The following TENM3 variants were observed in gnomAD, a reference collection of about 807,000 sequenced individuals.
TENM3 encodes teneurin-3.
In TENM3, 63 loss-of-function variants were observed where a neutral mutation model predicts 255.1. That is an observed-to-expected ratio of 0.25 (90% CI 0.20 to 0.30). The LOEUF is 0.30. Ranked by LOEUF, TENM3 falls within the 10% of genes least tolerant of loss-of-function variation. The probability of loss-of-function intolerance (pLI) is 1.00; values close to 1 mark genes in which losing one functional copy is unlikely to be tolerated. For missense variants in TENM3, 2,929 were observed against 3,461.1 expected (o/e 0.85, Z 3.86); for synonymous variants, 1,306 against 1,322.3 (o/e 0.99, Z 0.27).
intron 1 of TENM3, among the ~76,000 whole-genome samples, chr4:182,179,744 A>G (rs1752729031): frequency 6.6e-6 from 1 of 152,226 alleles, no homozygotes; most frequent in Non-Finnish European, 1.5e-5. Context: ...TATTTGTGAA[A>G]CAGGAAGTTT....
chr4:182,266,253 C>T (rs1759236925), intron 1 of TENM3, among the ~76,000 whole-genome samples: 1 of 152,180 alleles, frequency 6.6e-6, no homozygotes, highest in Non-Finnish European at 1.5e-5. Flanking sequence ...ATTTTACCTG[C>T]AAGGTATGTA....
chr4:182,591,638 T>A (rs916913687), intron 3 of TENM3, among the ~76,000 whole-genome samples: 6 of 152,202 alleles, frequency 3.9e-5, no homozygotes, highest in Middle Eastern at 3.2e-3. Flanking sequence ...GTACTGTATT[T>A]TAACCAAGGG....
chr4:181,671,715 C>G, the TENM3 span, among the ~76,000 whole-genome samples: 1 of 152,074 alleles, frequency 6.6e-6, no homozygotes. Context: ...TTTTCCCATC[C>G]AGCTGGTTAT....
chr4:182,751,119 C>A (rs1055202825), intron 19 of TENM3, among the ~76,000 whole-genome samples: 1 of 152,166 alleles, frequency 6.6e-6, no homozygotes, highest in Non-Finnish European at 1.5e-5. Context: ...GGTTTCAGAG[C>A]AGCTCAGTAT....
intron 6 of TENM3, among the ~76,000 whole-genome samples, chr4:182,669,791 TGGA>T (rs1755051623): frequency 6.6e-6 from 1 of 152,206 alleles, no homozygotes; most frequent in Non-Finnish European, 1.5e-5. Flanking sequence ...CAGATGGTTT[TGGA>T]ATTCTGCAGA....
At chr4:181,817,160 T>C in the TENM3 span, among the ~76,000 whole-genome samples, 1 of 152,188 alleles carries the variant, frequency 6.6e-6, no homozygotes, top group African/African-American at 2.4e-5. Flanking sequence ...TCAGTAGTTA[T>C]ATAAAAGTTT....
At chr4:181,569,282 G>A in the TENM3 span, among the ~76,000 whole-genome samples, 1 of 152,200 alleles carries the variant, frequency 6.6e-6, no homozygotes, top group African/African-American at 2.4e-5. Flanking sequence ...CCACGTCCTT[G>A]TTTAAGCTTC....
chr4:182,797,211 G>A lies in TENM3; in HGVS notation c.7344+444G>A, dbSNP rs187757079. On this transcript the variant is annotated intron_variant, in intron 27 of 27. Coordinates refer to ENST00000511685, the MANE Select transcript of TENM3 (RefSeq NM_001080477.4). ...TCCCAGCACTTTGGGAGGCCGAGGA[G>A]GTCGGATCACCTGAGGTCGGGAGTT... Among the ~76,000 whole-genome samples, 365 of 152,254 alleles carry A rather than the reference G, an allele frequency of 2.4e-3. 4 individuals are homozygous for A. The highest frequency in any genetic ancestry group is 8.3e-3 in the African/African-American group (346 of 41,544).
the TENM3 span, among the ~76,000 whole-genome samples, chr4:182,135,150 G>A: frequency 1.5e-5 from 2 of 133,172 alleles, no homozygotes; most frequent in African/African-American, 2.8e-5. Flanking sequence ...ACGTTGCAGT[G>A]AGCCGAGATC....
the TENM3 span, among the ~76,000 whole-genome samples, chr4:181,542,742 G>A: frequency 1.2e-4 from 18 of 152,128 alleles, no homozygotes; most frequent in Non-Finnish European, 2.2e-4. Flanking sequence ...ATTTAAGAGC[G>A]CATTCAAGGA....
chr4:181,805,422 C>G, the TENM3 span, among the ~76,000 whole-genome samples: 1 of 152,114 alleles, frequency 6.6e-6, no homozygotes, highest in Non-Finnish European at 1.5e-5. Context: ...CTCTAGCCTT[C>G]TCGCAGAGCC....
the TENM3 span, among the ~76,000 whole-genome samples, chr4:181,837,314 T>C: frequency 6.6e-6 from 1 of 152,210 alleles, no homozygotes; most frequent in Non-Finnish European, 1.5e-5. Context: ...ATTTTAAATG[T>C]TTTACTGTTT....
chr4:181,982,227 G>T, the TENM3 span, among the ~76,000 whole-genome samples: 1 of 152,116 alleles, frequency 6.6e-6, no homozygotes, highest in Non-Finnish European at 1.5e-5. Context: ...TAAGCAGAAT[G>T]AAATCAACTG....
chr4:182,547,720 C>T (rs1343465635), intron 3 of TENM3, among the ~76,000 whole-genome samples: 1 of 152,112 alleles, frequency 6.6e-6, no homozygotes, highest in Admixed American at 6.5e-5. Flanking sequence ...TTTCGGTTTT[C>T]ATAGTTTGAC....
intron 3 of TENM3, among the ~76,000 whole-genome samples, chr4:182,551,204 G>C (rs1221883674): frequency 7.3e-6 from 1 of 136,896 alleles, no homozygotes; most frequent in Non-Finnish European, 1.5e-5. Context: ...CTGGGCGACA[G>C]AGTGAGACTC....
chr4:181,539,023 G>A, the TENM3 span, among the ~76,000 whole-genome samples: 2 of 152,128 alleles, frequency 1.3e-5, no homozygotes, highest in Non-Finnish European at 2.9e-5. Flanking sequence ...CTTTTATATT[G>A]TCCCATATAT....
At chr4:182,251,408 C>T (rs1030175480) in intron 1 of TENM3, among the ~76,000 whole-genome samples, 4 of 152,010 alleles carry the variant, frequency 2.6e-5, no homozygotes, top group Non-Finnish European at 4.4e-5. Context: ...GTCCAGGTTG[C>T]GGTGAGCCAT....
chr4:181,674,465 A>G, the TENM3 span, among the ~76,000 whole-genome samples: 6 of 152,110 alleles, frequency 3.9e-5, no homozygotes, highest in Non-Finnish European at 7.4e-5. Flanking sequence ...GCTGAGTCAG[A>G]CAACATCAAA....
intron 5 of TENM3, among the ~76,000 whole-genome samples, chr4:182,650,009 C>T (rs1452167314): frequency 6.7e-6 from 1 of 150,276 alleles, no homozygotes; most frequent in Admixed American, 6.6e-5. Context: ...CTCAAACAAC[C>T]TTAAACTCTC....
Sources: gnomAD v4.1 joint callset for allele counts (sites outside exome capture counted in the v4.1 genomes callset) on GRCh38, gnomAD v4.1.1 for gene constraint, MANE v1.5 for transcripts, NCBI Gene and HGNC (gene_info 2026-07-23, HGNC 2026-07-21) for gene names.